The following NYAP2 variants were observed in gnomAD, a reference collection of about 807,000 sequenced individuals.
NYAP2 encodes the protein neuronal tyrosine-phosphorylated phosphoinositide-3-kinase adaptor 2, also known as neuronal tyrosine-phosphorylated phosphoinositide-3-kinase adapter 2.
Under a neutral mutation model 50.4 loss-of-function variants are expected in NYAP2, and 23 were observed. The ratio of observed to expected loss-of-function variants is 0.46; its 90% CI spans 0.33 to 0.65. The LOEUF (loss-of-function observed/expected upper bound fraction) is 0.65. Ranked by LOEUF, NYAP2 falls within the 30% of genes least tolerant of loss-of-function variation. The probability of loss-of-function intolerance (pLI) is 0.02; values close to 1 mark genes in which losing one functional copy is unlikely to be tolerated. For synonymous variants in NYAP2, 394 were observed against 365.2 expected, an observed-to-expected ratio of 1.08 and a Z score of -0.90; for missense variants, 885 against 861.0, an observed-to-expected ratio of 1.03 and a Z score of -0.35.
intron 3 of NYAP2, among the ~76,000 whole-genome samples, chr2:225,512,747 T>C (rs1037674776): frequency 1.3e-5 from 2 of 150,692 alleles, no homozygotes; most frequent in African/African-American, 4.9e-5. Context: ...CTTTTTTCGT[T>C]TTTCTTTCTT....
At chr2:225,427,120 C>T in intron 3 of NYAP2, among the ~76,000 whole-genome samples, 1 of 152,122 alleles carries the variant, frequency 6.6e-6, no homozygotes, top group East Asian at 1.9e-4. Context: ...CTCCTAATGA[C>T]CTCTGAGCAG....
chr2:225,436,403 G>C (rs1231789694), intron 3 of NYAP2, among the ~76,000 whole-genome samples: 2 of 152,068 alleles, frequency 1.3e-5, no homozygotes, highest in Non-Finnish European at 2.9e-5. Flanking sequence ...ACAATCTCTG[G>C]CATTCCTTGG....
chr2:225,644,249 G>A (rs1449110946), intron 6 of NYAP2, among the ~76,000 whole-genome samples: 10 of 152,208 alleles, frequency 6.6e-5, no homozygotes, highest in Non-Finnish European at 1.2e-4. Flanking sequence ...CTTTTGAGAA[G>A]TGTCTGTTCA....
At chr2:225,614,497 G>A (rs1233249681) in intron 5 of NYAP2, among the ~76,000 whole-genome samples, 2 of 152,026 alleles carry the variant, frequency 1.3e-5, no homozygotes, top group African/African-American at 4.8e-5. Context: ...TAAAGCCAGA[G>A]GATTTAAAAT....
At chr2:225,554,215 T>G (rs1166357562) in intron 4 of NYAP2, among the ~76,000 whole-genome samples, 1 of 151,628 alleles carries the variant, frequency 6.6e-6, no homozygotes, top group East Asian at 1.9e-4. Context: ...TTGTTTTTTT[T>G]TTTTTGCTTC....
intron 3 of NYAP2, among the ~76,000 whole-genome samples, chr2:225,447,769 G>A (rs562390628): frequency 6.6e-6 from 1 of 152,256 alleles, no homozygotes; most frequent in African/African-American, 2.4e-5. Context: ...TAAAATTGAT[G>A]TCTTCTACAT....
chr2:225,471,229 TC>T (rs1237159337), intron 3 of NYAP2, among the ~76,000 whole-genome samples: 2 of 152,210 alleles, frequency 1.3e-5, no homozygotes, highest in Non-Finnish European at 2.9e-5. Flanking sequence ...CAATTTAAAA[TC>T]CAGTCCTGAA....
intron 4 of NYAP2, among the ~76,000 whole-genome samples, chr2:225,546,271 C>T (rs1052810618): frequency 5.9e-5 from 9 of 152,190 alleles, no homozygotes; most frequent in African/African-American, 9.7e-5. Context: ...CCCTTCAGGG[C>T]GACAAGTTCC....
At chr2:225,407,748 C>G (rs1694966157) in intron 2 of NYAP2, among the ~76,000 whole-genome samples, 1 of 151,812 alleles carries the variant, frequency 6.6e-6, no homozygotes, top group South Asian at 2.1e-4. Context: ...AAATTTTTCC[C>G]CTTGTTAATT....
At chr2:225,557,988 G>A (rs2106213865) in intron 4 of NYAP2, among the ~76,000 whole-genome samples, 1 of 152,206 alleles carries the variant, frequency 6.6e-6, no homozygotes, top group South Asian at 2.1e-4. Context: ...AATGAACAAG[G>A]ATCCTCAGAA....
intron 6 of NYAP2, among the ~76,000 whole-genome samples, chr2:225,629,867 A>T (rs1341093158): frequency 6.6e-6 from 1 of 152,116 alleles, no homozygotes; most frequent in African/African-American, 2.4e-5. Flanking sequence ...CCACCTCCCA[A>T]CACTGCTGCA....
At chr2:225,548,170 C>T (rs1436088696) in intron 4 of NYAP2, among the ~76,000 whole-genome samples, 3 of 151,680 alleles carry the variant, frequency 2.0e-5, no homozygotes, top group Non-Finnish European at 4.4e-5. Context: ...GAGATGTTGT[C>T]TGTGGAAAAT....
chr2:225,527,001 A>T (rs1691163267), intron 4 of NYAP2, among the ~76,000 whole-genome samples: 1 of 152,024 alleles, frequency 6.6e-6, no homozygotes, highest in Non-Finnish European at 1.5e-5. Flanking sequence ...CTTTTTCTAA[A>T]CGTACCCTGA....
chr2:225,431,262 T>A (rs1282386244), intron 3 of NYAP2, among the ~76,000 whole-genome samples: 1 of 152,250 alleles, frequency 6.6e-6, no homozygotes, highest in Admixed American at 6.5e-5. Context: ...AGTTACGTGA[T>A]CTCCATATGC....
chr2:225,700,285 G>A, the NYAP2 span: 1 of 151,414 alleles, frequency 6.6e-6, no homozygotes, highest in Non-Finnish European at 1.5e-5. Context: ...TATGGTTGGT[G>A]TGTCTGTGAG....
intron 3 of NYAP2, among the ~76,000 whole-genome samples, chr2:225,432,112 G>A (rs1354669460): frequency 6.6e-6 from 1 of 151,142 alleles, no homozygotes; most frequent in Non-Finnish European, 1.5e-5. Context: ...TGGGACTACA[G>A]GCCTACACAT....
intron 3 of NYAP2, among the ~76,000 whole-genome samples, chr2:225,449,454 G>A (rs564679453): frequency 9.9e-5 from 15 of 152,094 alleles, no homozygotes; most frequent in South Asian, 4.1e-4. Flanking sequence ...TGCAAAAACC[G>A]CAGTGAAGAG....
chr2:225,623,181 G>C (rs1023333575), intron 5 of NYAP2, among the ~76,000 whole-genome samples: 1 of 152,198 alleles, frequency 6.6e-6, no homozygotes, highest in African/African-American at 2.4e-5. Flanking sequence ...TCAAACAAAA[G>C]AGACAGGCAA....
Position 225,609,179 on chromosome 2 carries a change from A to C in NYAP2, c.1619-17738A>C, listed in dbSNP as rs143124704. Among the ~76,000 whole-genome samples the C allele has an allele frequency of 2.5e-3, 381 of 152,190 alleles. 5 individuals are homozygous for C. Among genetic ancestry groups the C allele is most frequent in the African/African-American group, 8.9e-3 (369 of 41,534 alleles). Reference sequence around the variant, plus strand: ...GCTGCTACATAATTTTAAATCTTTAAGTCTTCTGGAAAATTATAGGTATTA... The same window carrying C: ...GCTGCTACATAATTTTAAATCTTTACGTCTTCTGGAAAATTATAGGTATTA... On this transcript the variant is annotated intron_variant, in intron 5 of 6. Transcript: ENST00000636099.
Sources: gnomAD v4.1 joint callset for allele counts (sites outside exome capture counted in the v4.1 genomes callset) on GRCh38, gnomAD v4.1.1 for gene constraint, MANE v1.5 for transcripts, NCBI Gene and HGNC (gene_info 2026-07-23, HGNC 2026-07-21) for gene names.